The following ZNFX1 variants were observed in gnomAD, a reference collection of about 807,000 sequenced individuals.
ZNFX1 encodes the protein NFX1-type zinc finger-containing protein 1.
Under a neutral mutation model 179.8 loss-of-function variants are expected in ZNFX1, and 78 were observed. The observed-to-expected ratio is 0.43, with a 90% confidence interval of 0.36 to 0.52. ZNFX1 has a LOEUF of 0.52. Among genes scored for constraint, ZNFX1 ranks in the 20% least tolerant of loss-of-function variants. The pLI, the probability that ZNFX1 is intolerant of heterozygous loss-of-function variation, is 0.00. For missense variants in ZNFX1, 1,927 were observed against 2,386.6 expected, an observed-to-expected ratio of 0.81 and a Z score of 4.01; for synonymous variants, 848 against 868.5, an observed-to-expected ratio of 0.98 and a Z score of 0.42.
chr20:49,247,879 C>G lies in ZNFX1; in HGVS notation c.5145G>C (p.Leu1715=), dbSNP rs773771511. ...YISFYDHLAS[L]WDSLKKMHVL... The stretch of plus-strand genomic sequence containing the variant: ...CATGCATCTTTTTCAGGGAATCCCA[C>G]AGGCTGGCCAGGTGGTCATAGAAGC... Residue 1715 remains leucine, a synonymous_variant, in exon 14 of 14, where the codon CTG becomes CTC. Transcript: ENST00000396105. 2.5e-6 allele frequency: 4 copies of G among 1,614,196 alleles called. No homozygotes were observed. The Admixed American group carries it at 5.0e-5, about 20-fold the overall frequency.
intron 2 of ZNFX1, among the ~76,000 whole-genome samples, chr20:49,272,105 C>T (rs1981422634): frequency 1.3e-5 from 2 of 151,744 alleles, no homozygotes; most frequent in African/African-American, 4.8e-5. Flanking sequence ...TGACTTGGTT[C>T]AAACATTGGC....
At chr20:49,251,359 C>A (rs752498518) in intron 13 of ZNFX1, among the ~76,000 whole-genome samples, 168 bp downstream of exon 13, 2 of 151,440 alleles carry the variant, frequency 1.3e-5, no homozygotes, top group Non-Finnish European at 2.9e-5. Flanking sequence ...TTAGGCTGGT[C>A]TCGAACTCTG....
At chr20:49,271,886 A>G in intron 2 of ZNFX1, 136 bp from the exon 3 acceptor site, 1 of 1,006,696 alleles carries the variant, frequency 9.9e-7, no homozygotes, top group Non-Finnish European at 1.4e-6. Context: ...AACGGTTTCT[A>G]CCAAGTCATA....
intron 7 of ZNFX1, 86 bp downstream of exon 7, chr20:49,260,377 C>G: frequency 1.3e-6 from 1 of 744,264 alleles, no homozygotes; most frequent in Non-Finnish European, 2.0e-6. Flanking sequence ...TTTATTTATT[C>G]TGGGAATTAT....
At chr20:49,265,771 C>G (rs984735654) in intron 4 of ZNFX1, among the ~76,000 whole-genome samples, 1 of 152,018 alleles carries the variant, frequency 6.6e-6, no homozygotes, top group Non-Finnish European at 1.5e-5. Flanking sequence ...AAAAAGTCCA[C>G]CTGAGAAGAG....
rs562888493 is a variant in ZNFX1 at position 49,268,011 on chromosome 20, C to T, written c.1871-1745G>A. 5.9e-5 allele frequency among the ~76,000 whole-genome samples: 9 copies of T among 152,024 alleles called. No individual in the cohort carries two copies. In the East Asian group the frequency reaches 1.7e-3, roughly 29 times the overall value. ...GCCTCAGCCTCCCGAGTAGCTGGGA[C>T]TACAGGCGCCTGCCACCATGCCCGG... On this transcript the variant is annotated intron_variant, in intron 3 of 13. Coordinates refer to ENST00000396105, the MANE Select transcript of ZNFX1 (RefSeq NM_021035.3).
intron 2 of ZNFX1, among the ~76,000 whole-genome samples, chr20:49,274,936 C>T (rs1257960829): frequency 6.7e-6 from 1 of 148,752 alleles, no homozygotes; most frequent in East Asian, 2.0e-4. Context: ...TCCTGGCTAA[C>T]ACGGTGAAAC....
rs1980866721 is a variant in ZNFX1 at position 49,252,572 on chromosome 20, G to A, written c.3216+148C>T. On this transcript the variant is annotated intron_variant, in intron 12 of 13. Transcript: ENST00000396105. ...AAAAACTCAACACGGTGATCTTGTG[G>A]TGTTTTAAAACAGAAAATGTAAGGT... is the stretch of plus-strand genomic sequence containing the variant. 5 of 584,252 alleles carry A rather than the reference G, an allele frequency of 8.6e-6. No individual in the cohort carries two copies. In the South Asian group the frequency reaches 1.2e-4, roughly 14 times the overall value. The allele number at this position is 584,252 out of a possible 1,614,324, so 36.2% of individuals were successfully genotyped here.
chr20:49,255,323 G>A (rs765916090), intron 9 of ZNFX1, among the ~76,000 whole-genome samples: 7 of 151,868 alleles, frequency 4.6e-5, no homozygotes, highest in African/African-American at 1.7e-4. Context: ...CATTAAAGGC[G>A]TGAGCTACTG....
chr20:49,249,787 C>A, intron 13 of ZNFX1, 76 bp from the exon 14 acceptor site: 2 of 1,488,428 alleles, frequency 1.3e-6, no homozygotes, highest in Non-Finnish European at 1.8e-6. Context: ...TTGACATGCA[C>A]TGGCCACTTA....
Position 49,248,317 on chromosome 20 carries a change from C to A in ZNFX1, c.4707G>T (p.Glu1569Asp). ...PKKCRICHMDEVTQIFFGFED... is the reference protein window; with the variant it reads ...PKKCRICHMDDVTQIFFGFED... ...CAAAGCCAAAGAATATTTGGGTGACCTCATCCATGTGGCAGATCCGGCATT... is the reference window on the plus strand; with the variant it reads ...CAAAGCCAAAGAATATTTGGGTGACATCATCCATGTGGCAGATCCGGCATT... The change falls in exon 14 of 14, where the codon GAG becomes GAT. Residue 1569 changes from glutamate (E) to aspartate (D), a missense_variant. Coordinates refer to ENST00000396105, the MANE Select transcript of ZNFX1 (RefSeq NM_021035.3). This position sits in a 1 kb window ranked among gnomAD's most constrained non-coding sequence, Gnocchi z 4.6. 6.2e-7 allele frequency: 1 copy of A among 1,614,142 alleles called. No homozygotes were observed. Among genetic ancestry groups the A allele is most frequent in the Non-Finnish European group, 8.5e-7 (1 of 1,180,026 alleles).
Position 49,249,258 on chromosome 20 carries a change from T to C in ZNFX1, c.3766A>G (p.Ile1256Val), listed in dbSNP as rs1266694000. 15 of 1,614,042 alleles carry C rather than the reference T, an allele frequency of 9.3e-6. No individual in the cohort carries two copies. Among genetic ancestry groups the C allele is most frequent in the Non-Finnish European group, 1.3e-5 (15 of 1,180,024 alleles). Residue 1256 changes from isoleucine to valine, a missense_variant, in exon 14 of 14, where the codon ATA becomes GTA. By Grantham distance (29) the Ile-to-Val change is conservative. Transcript: ENST00000396105. ...IIHTLRENNQ[I>V]GPMLRLCCQN... ...CAGCAGAGCCGGAGCATGGGGCCTA[T>C]TTGATTGTTCTCTCGAAGTGTATGA...
At chr20:49,252,288 C>T (rs1980858529) in intron 12 of ZNFX1, among the ~76,000 whole-genome samples, 2 of 151,844 alleles carry the variant, frequency 1.3e-5, no homozygotes, top group Admixed American at 1.3e-4. Flanking sequence ...ATTACAGGTG[C>T]CCACCACCAT....
rs1047438325 is a variant in ZNFX1 at position 49,247,018 on chromosome 20, G to A, written c.*249C>T. ...CAAGTAGCTGGGATTACAGGCGCCC[G>A]CCATAACGCCCAGCTAATTTTTGTA... On this transcript the variant is annotated 3_prime_UTR_variant, in exon 14 of 14. Coordinates refer to ENST00000396105, the MANE Select transcript of ZNFX1 (RefSeq NM_021035.3). 1.4e-4 allele frequency: 65 copies of A among 466,464 alleles called. No homozygotes were observed. The Middle Eastern group carries it at 2.5e-3, about 18-fold the overall frequency. 28.9% of individuals were successfully genotyped at this position (466,464 alleles called of 1,614,324 possible). A position where few individuals can be genotyped will look rare whatever the true frequency, so the allele number is the denominator to read the frequency against.
chr20:49,246,748 T>C lies in ZNFX1; in HGVS notation c.*519A>G. On this transcript the variant is annotated 3_prime_UTR_variant, in exon 14 of 14. Transcript: ENST00000396105. The stretch of plus-strand genomic sequence containing the variant: ...ATTTGCAGGAGAGAAGGGGTGAGAT[T>C]TGTTAACTTTGCTCTCAGTTCTGGA... 7.2e-6 allele frequency: 3 copies of C among 419,144 alleles called. No homozygotes were observed. The highest frequency in any genetic ancestry group is 3.4e-5 in the South Asian group (2 of 58,132). The allele number at this position is 419,144 out of a possible 1,614,324, so 26.0% of individuals were successfully genotyped here.
rs750466740 is a variant in ZNFX1 at position 49,264,585 on chromosome 20, G to A, written c.2151+131C>T. ...CAAGGGATTGGCAGAATAGAATGCT[G>A]AAAGGAACCTGGGTCCTCCAGAGCT... On this transcript the variant is annotated intron_variant, in intron 5 of 13. Coordinates refer to ENST00000396105, the MANE Select transcript of ZNFX1 (RefSeq NM_021035.3). 550 of 1,157,156 alleles carry A rather than the reference G, an allele frequency of 4.8e-4. 4 individuals are homozygous for A. Among genetic ancestry groups the A allele is most frequent in the Middle Eastern group, 3.0e-4 (1 of 3,328 alleles). The allele number at this position is 1,157,156 out of a possible 1,614,324, so 71.7% of individuals were successfully genotyped here.
chr20:49,260,352 A>G, intron 7 of ZNFX1, 111 bp downstream of exon 7: 1 of 562,278 alleles, frequency 1.8e-6, no homozygotes, highest in Non-Finnish European at 2.9e-6. Context: ...TCTTTCTCTG[A>G]TTGACTCATA....
intron 3 of ZNFX1, among the ~76,000 whole-genome samples, chr20:49,266,784 A>C (rs184286248): frequency 6.6e-6 from 1 of 151,876 alleles, no homozygotes; most frequent in Non-Finnish European, 1.5e-5. Flanking sequence ...TATACATGGT[A>C]GATTTGCTTT....
chr20:49,276,142 G>A (rs2146745584), intron 1 of ZNFX1, among the ~76,000 whole-genome samples: 1 of 152,314 alleles, frequency 6.6e-6, no homozygotes, highest in Middle Eastern at 3.4e-3. Flanking sequence ...CTTTCTTGGG[G>A]TAGAGGGAAT....
Sources: allele counts gnomAD v4.1 joint callset (sites outside exome capture counted in the v4.1 genomes callset), GRCh38; gene constraint gnomAD v4.1.1; non-coding constraint Gnocchi (gnomAD v3.1); transcripts MANE v1.5; gene names NCBI Gene and HGNC (gene_info 2026-07-23, HGNC 2026-07-21).